Variants in CDON observed in about 807,000 individuals in gnomAD.
CDON encodes the protein cell adhesion associated, oncogene regulated, also known as cell adhesion molecule-related/down-regulated by oncogenes.
A neutral mutation model predicts 120.9 loss-of-function variants in CDON; 73 were observed. That is an observed-to-expected ratio of 0.60 (90% confidence interval 0.50 to 0.73). The LOEUF (loss-of-function observed/expected upper bound fraction) is 0.73. Among genes scored for constraint, CDON ranks in the 30% least tolerant of loss-of-function variants. CDON has a pLI of 0.00. For synonymous variants in CDON, 566 were observed against 573.5 expected (o/e 0.99, Z 0.19); for missense variants, 1,470 against 1,587.3 (o/e 0.93, Z 1.26).
At chr11:126,022,101 CAAAAAAA>C (rs56788784) in intron 2 of CDON, among the ~76,000 whole-genome samples, 40 of 56,554 alleles carry the variant, frequency 7.1e-4, no homozygotes, top group South Asian at 2.2e-3. Flanking sequence ...GACCCTGCTT[CAAAAAAA>C]AAAAAAAAAA....
chr11:126,043,403 C>T (rs528075214), intron 1 of CDON, among the ~76,000 whole-genome samples: 8 of 152,198 alleles, frequency 5.3e-5, no homozygotes, highest in East Asian at 1.9e-4. Flanking sequence ...AGTGTACTTT[C>T]GTTTTCAGTA....
intron 1 of CDON, among the ~76,000 whole-genome samples, chr11:126,040,789 C>A (rs1456360882): frequency 3.4e-5 from 4 of 116,298 alleles, no homozygotes; most frequent in African/African-American, 1.3e-4. Context: ...CACTCCAGCT[C>A]GGGCAACAGA....
chr11:126,017,710 T>C (rs1947511282), intron 5 of CDON, among the ~76,000 whole-genome samples: 1 of 151,838 alleles, frequency 6.6e-6, no homozygotes, highest in Non-Finnish European at 1.5e-5. Context: ...ATATCTCTTT[T>C]TTTTTTTTTT....
At chr11:125,970,857 C>T (rs372534227) in intron 18 of CDON, among the ~76,000 whole-genome samples, 6 of 152,084 alleles carry the variant, frequency 3.9e-5, no homozygotes, top group South Asian at 2.1e-4. Context: ...CTTAGAAGTA[C>T]GAGACAGACT....
At chr11:126,030,841 G>A (rs554500080) in intron 1 of CDON, among the ~76,000 whole-genome samples, 136 of 152,256 alleles carry the variant, frequency 8.9e-4, no homozygotes, top group African/African-American at 3.2e-3. Context: ...TCTCCTGTCA[G>A]TTTTCTTCAT....
rs199804584 is a variant in CDON at position 125,995,080 on chromosome 11, C to T, written c.2363-28G>A. 4 of 846,176 alleles carry T rather than the reference C, an allele frequency of 4.7e-6. No homozygotes were observed. The Admixed American group carries it at 1.3e-4, about 29-fold the overall frequency. 52.4% of individuals were successfully genotyped at this position (846,176 alleles called of 1,614,324 possible). On this transcript the variant is annotated intron_variant, in intron 12 of 19. Coordinates refer to ENST00000531738, the MANE Select transcript of CDON (RefSeq NM_001378964.1). ...TTGAGGGAAAACAAAAACAAACAAA[C>T]AACAACAACAAAAACATAACTAAGA...
chr11:126,043,720 G>T (rs1948328131), intron 1 of CDON, among the ~76,000 whole-genome samples: 1 of 152,208 alleles, frequency 6.6e-6, no homozygotes, highest in African/African-American at 2.4e-5. Flanking sequence ...CTAAGCAAAA[G>T]AAAGGCCTTG....
At chr11:126,035,014 T>C (rs1228049817) in intron 1 of CDON, among the ~76,000 whole-genome samples, 1 of 152,230 alleles carries the variant, frequency 6.6e-6, no homozygotes, top group East Asian at 1.9e-4. Context: ...ATATAGGTGT[T>C]AGGTAATATA....
rs2134429612 is a variant in CDON, at chr11:125,978,497, G to A, written c.3277-114C>T. 4 of 727,452 alleles carry A rather than the reference G, an allele frequency of 5.5e-6. No homozygotes were observed. The Admixed American group carries it at 8.0e-5, about 15-fold the overall frequency. 45.1% of individuals were successfully genotyped at this position (727,452 alleles called of 1,614,324 possible). A position where few individuals can be genotyped will look rare whatever the true frequency, so the allele number is the denominator to read the frequency against. ...CATGAGCCATGTCAACCATAAATGG[G>A]CACACAGTATATTCTAACCAACTCC... On this transcript the variant is annotated intron_variant, in intron 17 of 19. Coordinates refer to ENST00000531738, the MANE Select transcript of CDON (RefSeq NM_001378964.1).
In CDON at chr11:126,004,288, T is replaced by G. The variant is rs183486966; in HGVS notation, c.1852-212A>C. ...GCTGCAATTCTCACTGTAGAAAGACTCCTGGCTCTGCATCTGACCACTAAT... is the reference window on the plus strand; with the variant it reads ...GCTGCAATTCTCACTGTAGAAAGACGCCTGGCTCTGCATCTGACCACTAAT... On this transcript the variant is annotated intron_variant, in intron 9 of 19. Transcript: ENST00000531738. 1.1e-4 allele frequency: 66 copies of G among 590,798 alleles called. 1 individual carries two copies. The highest frequency in any genetic ancestry group is 1.4e-4 in the Non-Finnish European group (48 of 332,740). 36.6% of individuals were successfully genotyped at this position (590,798 alleles called of 1,614,324 possible). A position where few individuals can be genotyped will look rare whatever the true frequency, so the allele number is the denominator to read the frequency against.
intron 15 of CDON, among the ~76,000 whole-genome samples, chr11:125,988,148 T>C (rs1458431693): frequency 2.6e-5 from 4 of 152,118 alleles, no homozygotes; most frequent in Non-Finnish European, 5.9e-5. Context: ...GGGATAAATC[T>C]GGTCAATGGT....
At chr11:126,018,591 G>A in intron 4 of CDON, 118 bp from the exon 5 acceptor site, 1 of 900,250 alleles carries the variant, frequency 1.1e-6, no homozygotes, top group Admixed American at 1.9e-5. Flanking sequence ...TTTTAGAGAT[G>A]GGGGTCTCAT....
At position 126,044,040 on chromosome 11, in the gene CDON, T is replaced by C. The variant is rs991533168; in HGVS notation, c.-62+18539A>G. ...CTGAAGGCCACATGACATTATAGAA[T>C]GCTGTACAAACAAAGTTTGAAACAG... On this transcript the variant is annotated intron_variant, in intron 1 of 19. Transcript: ENST00000531738. Among the ~76,000 whole-genome samples, 7 of 152,192 alleles carry C rather than the reference T, an allele frequency of 4.6e-5. No homozygotes were observed. The East Asian group carries it at 1.3e-3, about 29-fold the overall frequency.
At chr11:126,023,350 G>A in intron 2 of CDON, 51 bp downstream of exon 2, 1 of 1,081,694 alleles carries the variant, frequency 9.2e-7, no homozygotes, top group Non-Finnish European at 1.4e-6. Flanking sequence ...ATGTTTTATA[G>A]GATTAAGATG....
chr11:125,962,099 C>CTAA (rs1491207535), intron 18 of CDON, 101 bp from the exon 19 acceptor site: 1 of 911,994 alleles, frequency 1.1e-6, no homozygotes, highest in Non-Finnish European at 1.8e-6. Context: ...TATTCACAGA[C>CTAA]TCTTAAGAAA....
intron 1 of CDON, among the ~76,000 whole-genome samples, chr11:126,028,237 G>T (rs956524109): frequency 1.3e-5 from 2 of 151,990 alleles, no homozygotes; most frequent in East Asian, 2.0e-4. Context: ...TAGATAGCAT[G>T]TCAACATTCT....
chr11:126,010,582 A>G lies in CDON; in HGVS notation c.1311T>C (p.Arg437=). The change falls in exon 8 of 20, where the codon CGT becomes CGC. Residue 437 remains arginine, a synonymous_variant. Transcript: ENST00000531738. The part of the protein sequence containing the change: ...NASGLPVPVI[R]WYDSHGLITS... ...TTATCAATCCATGGCTGTCATACCA[A>G]CGAATGACCGGAACCGGCAGCCCAC... 1 of 1,614,116 alleles carries G rather than the reference A, an allele frequency of 6.2e-7. No individual in the cohort carries two copies. The highest frequency in any genetic ancestry group is 8.5e-7 in the Non-Finnish European group (1 of 1,179,966).
intron 8 of CDON, among the ~76,000 whole-genome samples, chr11:126,007,818 G>A (rs971572799): frequency 6.6e-6 from 1 of 152,162 alleles, no homozygotes; most frequent in Non-Finnish European, 1.5e-5. Flanking sequence ...GCACTTGGGA[G>A]ATACACTCAA....
At chr11:125,984,540 T>C (rs1182790815) in intron 15 of CDON, among the ~76,000 whole-genome samples, 2 of 151,928 alleles carry the variant, frequency 1.3e-5, no homozygotes, top group African/African-American at 2.4e-5. Flanking sequence ...CTACTAAAAA[T>C]ACAAAAATTA....
Sources: gnomAD v4.1 joint callset for allele counts (sites outside exome capture counted in the v4.1 genomes callset) on GRCh38, gnomAD v4.1.1 for gene constraint, MANE v1.5 for transcripts, NCBI Gene and HGNC (gene_info 2026-07-23, HGNC 2026-07-21) for gene names.